Variants in MCC observed in about 807,000 individuals in gnomAD.
The protein encoded by MCC is colorectal mutant cancer protein.
MCC carries 90 observed loss-of-function variants against 116.2 expected under a neutral mutation model. That is an observed-to-expected ratio of 0.77 (90% confidence interval 0.65 to 0.92). The LOEUF is 0.92. MCC is among the 40% of genes least tolerant of loss of function. MCC has a pLI of 0.00. For missense variants in MCC, 1,516 were observed against 1,312.2 expected (o/e 1.16, Z -2.40); for synonymous variants, 578 against 510.5 (o/e 1.13, Z -1.78).
chr5:113,456,623 A>ATTTTTTTTTTTTTTTTT lies in MCC; in HGVS notation c.170+31605_170+31621dup, dbSNP rs34111159. On this transcript the variant is annotated intron_variant, in intron 1 of 18. Coordinates refer to ENST00000408903, the MANE Select transcript of MCC (RefSeq NM_001085377.2). ...AGTCACCCGCCACCATGCCCAGCTAATTTTTTTTTTTTTTTTTTTTTTTTT... is the reference window on the plus strand; with the variant it reads ...AGTCACCCGCCACCATGCCCAGCTAATTTTTTTTTTTTTTTTTTTTTTTTTTTTTTTTTTTTTTTTTT... Among the ~76,000 whole-genome samples, 34 of 51,072 alleles carry ATTTTTTTTTTTTTTTTT rather than the reference A, an allele frequency of 6.7e-4. 1 individual carries two copies. Among genetic ancestry groups the ATTTTTTTTTTTTTTTTT allele is most frequent in the East Asian group, 2.0e-3 (3 of 1,466 alleles). The allele number at this position is 51,072 out of a possible 152,430, so 33.5% of individuals were successfully genotyped here.
At chr5:113,318,180 C>CA (rs1561521814) in intron 3 of MCC, among the ~76,000 whole-genome samples, 1 of 152,128 alleles carries the variant, frequency 6.6e-6, no homozygotes, top group Non-Finnish European at 1.5e-5. Context: ...TTTTAAAGCA[C>CA]TGTACTTTAC....
At chr5:113,093,617 G>C (rs1385738942) in intron 8 of MCC, among the ~76,000 whole-genome samples, 1 of 152,004 alleles carries the variant, frequency 6.6e-6, no homozygotes, top group Non-Finnish European at 1.5e-5. Flanking sequence ...CACAGAAGCA[G>C]GTTTCCAAAG....
At chr5:113,065,423 G>A (rs1753536240) in intron 13 of MCC, among the ~76,000 whole-genome samples, 1 of 152,106 alleles carries the variant, frequency 6.6e-6, no homozygotes, top group Non-Finnish European at 1.5e-5. Context: ...ACAAATCACT[G>A]GTTTGCTACC....
chr5:113,053,622 G>C (rs113283602), intron 15 of MCC, 103 bp downstream of exon 15: 48 of 755,310 alleles, frequency 6.4e-5, no homozygotes, highest in Non-Finnish European at 1.1e-4. Context: ...TCTTCTCTGG[G>C]CAGGAGGGGT....
chr5:113,048,115 CT>C (rs1752237154), intron 16 of MCC, among the ~76,000 whole-genome samples: 2 of 152,142 alleles, frequency 1.3e-5, no homozygotes. Flanking sequence ...TTCTTTGAGC[CT>C]CATTTTTCTC....
At chr5:113,247,100 G>A (rs866250343) in intron 3 of MCC, among the ~76,000 whole-genome samples, 4 of 152,324 alleles carry the variant, frequency 2.6e-5, no homozygotes, top group South Asian at 2.1e-4. Flanking sequence ...GAAAGGTAAC[G>A]TCTTAAGACA....
intron 1 of MCC, among the ~76,000 whole-genome samples, chr5:113,445,256 G>C (rs968777192): frequency 2.6e-5 from 4 of 152,088 alleles, no homozygotes; most frequent in African/African-American, 9.7e-5. Context: ...AATCAGGCAA[G>C]AGAAATAAGT....
intron 3 of MCC, among the ~76,000 whole-genome samples, chr5:113,195,393 C>T (rs1762349247): frequency 6.6e-6 from 1 of 152,196 alleles, no homozygotes; most frequent in African/African-American, 2.4e-5. Context: ...CAACCAGATA[C>T]AAACTGTCTG....
intron 3 of MCC, among the ~76,000 whole-genome samples, chr5:113,164,138 G>C (rs1760647054): frequency 6.6e-6 from 1 of 152,138 alleles, no homozygotes; most frequent in South Asian, 2.1e-4. Context: ...CTAGGAGTTG[G>C]AAAGATCATT....
chr5:113,343,120 G>A (rs1448624806), intron 2 of MCC, among the ~76,000 whole-genome samples: 4 of 152,198 alleles, frequency 2.6e-5, no homozygotes, highest in African/African-American at 9.7e-5. Flanking sequence ...TGTACAGTGA[G>A]TTCTGATATG....
At chr5:113,143,433 G>A in intron 4 of MCC, 73 bp from the exon 5 acceptor site, 1 of 1,547,316 alleles carries the variant, frequency 6.5e-7, no homozygotes, top group Non-Finnish European at 8.8e-7. Context: ...CAAGCTTTGT[G>A]GCCTTAAACC....
At chr5:113,100,471 T>TC (rs1756331604) in intron 8 of MCC, among the ~76,000 whole-genome samples, 1 of 128,586 alleles carries the variant, frequency 7.8e-6, no homozygotes, top group South Asian at 2.6e-4. Context: ...TCCCTTTTTT[T>TC]TTTTTTTTTT....
At chr5:113,122,565 TC>T in intron 6 of MCC, 118 bp downstream of exon 6, 1 of 1,118,098 alleles carries the variant, frequency 8.9e-7, no homozygotes, top group Non-Finnish European at 1.3e-6. Context: ...TGTGACTTCA[TC>T]CACTCAGCAA....
chr5:113,028,128 A>G (rs1258843665), intron 18 of MCC, among the ~76,000 whole-genome samples: 2 of 152,228 alleles, frequency 1.3e-5, no homozygotes, highest in Non-Finnish European at 2.9e-5. Flanking sequence ...TCTCCCAGAT[A>G]GTCTGAGGAC....
At chr5:113,451,926 C>T (rs1771410046) in intron 1 of MCC, among the ~76,000 whole-genome samples, 1 of 152,210 alleles carries the variant, frequency 6.6e-6, no homozygotes, top group African/African-American at 2.4e-5. Flanking sequence ...TTTTGCTCTA[C>T]ATCATGTCCA....
At position 113,434,011 on chromosome 5, in the gene MCC, G is replaced by A. The variant is rs375756830; in HGVS notation, c.171-48799C>T. On this transcript the variant is annotated intron_variant, in intron 1 of 18. Coordinates refer to ENST00000408903, the MANE Select transcript of MCC (RefSeq NM_001085377.2). This position sits in a 1 kb window ranked among gnomAD's most constrained non-coding sequence, Gnocchi z 4.2. ...TTGATGGCCACAGAGGGAGATCCCC[G>A]TGCCTTGGGCTGCATCCAGCAGTGG... 1.9e-5 allele frequency: 31 copies of A among 1,613,864 alleles called. No individual in the cohort carries two copies. Among genetic ancestry groups the A allele is most frequent in the African/African-American group, 9.3e-5 (7 of 74,912 alleles).
At chr5:113,257,460 G>A (rs1765058880) in intron 3 of MCC, among the ~76,000 whole-genome samples, 1 of 152,174 alleles carries the variant, frequency 6.6e-6, no homozygotes, top group African/African-American at 2.4e-5. Context: ...AGGTGAAGAA[G>A]AGGGAGCAAT....
intron 15 of MCC, among the ~76,000 whole-genome samples, chr5:113,050,863 C>G (rs1752437593): frequency 6.6e-6 from 1 of 152,218 alleles, no homozygotes; most frequent in Non-Finnish European, 1.5e-5. Flanking sequence ...TTAACATTAC[C>G]CAAGGCCAGG....
intron 11 of MCC, among the ~76,000 whole-genome samples, chr5:113,075,035 C>T (rs140207042): frequency 5.3e-5 from 8 of 152,330 alleles, no homozygotes; most frequent in Non-Finnish European, 1.0e-4. Context: ...CCAGCTCCCT[C>T]TGCTTGATGG....
Sources: gnomAD v4.1 joint callset for allele counts (sites outside exome capture counted in the v4.1 genomes callset) on GRCh38, gnomAD v4.1.1 for gene constraint, Gnocchi (gnomAD v3.1) non-coding constraint, MANE v1.5 for transcripts, NCBI Gene and HGNC (gene_info 2026-07-23, HGNC 2026-07-21) for gene names.